The following GATAD2A variants were observed in gnomAD, a reference collection of about 807,000 sequenced individuals.
The protein encoded by GATAD2A is GATA zinc finger domain containing 2A.
Under a neutral mutation model 68.5 loss-of-function variants are expected in GATAD2A, and 12 were observed. The ratio of observed to expected loss-of-function variants is 0.18; its 90% confidence interval spans 0.11 to 0.28. GATAD2A has a LOEUF of 0.28. Among genes scored for constraint, GATAD2A ranks in the 10% least tolerant of loss-of-function variants. The pLI is 1.00. For missense variants in GATAD2A, 755 were observed against 868.5 expected (o/e 0.87, Z 1.64); for synonymous variants, 410 against 375.3 (o/e 1.09, Z -1.07).
chr19:19,413,630 G>A (rs578073804), intron 1 of GATAD2A, among the ~76,000 whole-genome samples: 1 of 152,240 alleles, frequency 6.6e-6, no homozygotes, highest in East Asian at 1.9e-4. Flanking sequence ...CGCTCAGGCT[G>A]GAGTGCAGTG....
chr19:19,494,257 G>A (rs1444849038), intron 4 of GATAD2A, 37 bp from the exon 5 acceptor site: 3 of 1,245,754 alleles, frequency 2.4e-6, no homozygotes, highest in Admixed American at 3.5e-5. Flanking sequence ...GACCGGCCCG[G>A]TGGCCCCTCA....
intron 8 of GATAD2A, among the ~76,000 whole-genome samples, chr19:19,500,759 G>A (rs532779278): frequency 2.0e-4 from 30 of 152,314 alleles, no homozygotes; most frequent in East Asian, 1.2e-3. Flanking sequence ...GGGGTTCCCC[G>A]TCCTAAGAAT....
chr19:19,432,961 C>G (rs2053915643), intron 1 of GATAD2A, among the ~76,000 whole-genome samples: 1 of 152,110 alleles, frequency 6.6e-6, no homozygotes, highest in Non-Finnish European at 1.5e-5. Context: ...TGGTTGGGCT[C>G]CAGATATATT....
chr19:19,501,262 C>T lies in GATAD2A; in HGVS notation c.1349C>T (p.Ala450Val), dbSNP rs140486052. 135 of 1,613,286 alleles carry T rather than the reference C, an allele frequency of 8.4e-5. No individual in the cohort carries two copies. The highest frequency in any genetic ancestry group is 3.3e-4 in the Middle Eastern group (2 of 6,084). Reference protein sequence around the residue: ...ENCMTTNQKKALKVEHTSRLK... With the variant: ...ENCMTTNQKKVLKVEHTSRLK... ...TGCATGACAACCAACCAGAAGAAGG[C>T]GCTCAAGGTGGAGCACACCAGCCGG... is the stretch of plus-strand genomic sequence containing the variant. Residue 450 changes from alanine (A) to valine (V), a missense_variant, in exon 9 of 12, where the codon GCG becomes GTG. Physicochemically the swap from Ala to Val is moderately conservative, Grantham distance 64. Coordinates refer to ENST00000683918, the MANE Select transcript of GATAD2A (RefSeq NM_001384528.1).
chr19:19,478,058 G>A (rs2058794662), intron 2 of GATAD2A, among the ~76,000 whole-genome samples: 1 of 152,214 alleles, frequency 6.6e-6, no homozygotes, highest in Non-Finnish European at 1.5e-5. Flanking sequence ...TCTTTGGGGT[G>A]AATCCTATTA....
intron 1 of GATAD2A, among the ~76,000 whole-genome samples, chr19:19,434,841 C>A (rs749257220): frequency 4.6e-5 from 7 of 152,198 alleles, no homozygotes; most frequent in Non-Finnish European, 1.0e-4. Flanking sequence ...GGACAGCATC[C>A]CATGGGGATG....
chr19:19,456,093 G>T (rs2056898087), intron 1 of GATAD2A, among the ~76,000 whole-genome samples: 1 of 150,118 alleles, frequency 6.7e-6, no homozygotes, highest in African/African-American at 2.5e-5. Flanking sequence ...GGCAGAGTTT[G>T]CAGTGAGCCG....
chr19:19,491,526 A>G (rs1600272388), intron 2 of GATAD2A, among the ~76,000 whole-genome samples: 1 of 152,146 alleles, frequency 6.6e-6, no homozygotes, highest in African/African-American at 2.4e-5. Flanking sequence ...AGGCAGAATG[A>G]CCTTGGCATC....
intron 2 of GATAD2A, among the ~76,000 whole-genome samples, chr19:19,487,831 T>C (rs541549965): frequency 6.6e-6 from 1 of 152,266 alleles, no homozygotes; most frequent in East Asian, 1.9e-4. Flanking sequence ...ACAAGTGAGC[T>C]GGCAGGGCTG....
chr19:19,476,818 G>T lies in GATAD2A; in HGVS notation c.269+11204G>T, dbSNP rs199906796. Among the ~76,000 whole-genome samples the T allele has an allele frequency of 3.3e-4, 50 of 152,324 alleles. No individual in the cohort carries two copies. The East Asian group carries it at 4.0e-3, about 12-fold the overall frequency. ...ACACCCAGGGGGGCAGTGTTTTCCC[G>T]GTTAGCAGAATATGCCCCTGGAAGA... On this transcript the variant is annotated intron_variant, in intron 2 of 11. Coordinates refer to ENST00000683918, the MANE Select transcript of GATAD2A (RefSeq NM_001384528.1).
chr19:19,499,328 C>T (rs1044410231), intron 8 of GATAD2A, among the ~76,000 whole-genome samples: 4 of 152,168 alleles, frequency 2.6e-5, no homozygotes, highest in South Asian at 2.1e-4. Flanking sequence ...AGACCAAGGA[C>T]GTTTCTGCCC....
At chr19:19,470,024 T>G (rs1464574991) in intron 2 of GATAD2A, among the ~76,000 whole-genome samples, 1 of 151,158 alleles carries the variant, frequency 6.6e-6, no homozygotes, top group Non-Finnish European at 1.5e-5. Context: ...CAAGGAATAA[T>G]ACAAAAGGAT....
At chr19:19,432,279 T>TTTTCG (rs1568279476) in intron 1 of GATAD2A, among the ~76,000 whole-genome samples, 1 of 151,366 alleles carries the variant, frequency 6.6e-6, no homozygotes, top group Non-Finnish European at 1.5e-5. Flanking sequence ...TTGACAGTGG[T>TTTTCG]TTTTGTTTTG....
intron 2 of GATAD2A, among the ~76,000 whole-genome samples, chr19:19,483,959 C>G (rs2059239130): frequency 6.6e-6 from 1 of 151,996 alleles, no homozygotes. Flanking sequence ...CAGCCTGTGT[C>G]TAGACAACAG....
rs376072512 is a variant in GATAD2A, at chr19:19,502,354, T to C, written c.1602T>C (p.Gly534=). The change falls in exon 11 of 12, where the codon GGT becomes GGC. Residue 534 remains glycine (G), a synonymous_variant. Coordinates refer to ENST00000683918, the MANE Select transcript of GATAD2A (RefSeq NM_001384528.1). ...VLQASSQLSR[G]SATTPRGVLH... ...AGGCCTCCAGCCAGCTGTCCCGGGG[T>C]TCGGCCACGACGCCCCGAGGTGTCC... The C allele has an allele frequency of 1.1e-5, 17 of 1,612,318 alleles. No homozygotes were observed. In the South Asian group the frequency reaches 1.4e-4, roughly 14 times the overall value.
chr19:19,491,347 G>C (rs532065719), intron 2 of GATAD2A, among the ~76,000 whole-genome samples: 2 of 152,316 alleles, frequency 1.3e-5, no homozygotes, highest in African/African-American at 4.8e-5. Context: ...GCCGTGGGCC[G>C]ACGGTGAAAA....
chr19:19,474,259 C>T (rs1424112665), intron 2 of GATAD2A: 3 of 637,258 alleles, frequency 4.7e-6, no homozygotes, highest in South Asian at 1.4e-4. Context: ...CCGACAACCA[C>T]GTGAGCATGG....
intron 1 of GATAD2A, among the ~76,000 whole-genome samples, chr19:19,433,549 A>T (rs1457839116): frequency 6.6e-6 from 1 of 152,214 alleles, no homozygotes; most frequent in Non-Finnish European, 1.5e-5. Context: ...CTTCTGACCC[A>T]TGAACAAGAC....
chr19:19,390,350 C>T (rs1016660423), intron 1 of GATAD2A, among the ~76,000 whole-genome samples: 2 of 151,986 alleles, frequency 1.3e-5, no homozygotes, highest in Non-Finnish European at 2.9e-5. Context: ...GCTCCTGGCA[C>T]ACAGTTGGTG....
Sources: allele counts gnomAD v4.1 joint callset (sites outside exome capture counted in the v4.1 genomes callset), GRCh38; gene constraint gnomAD v4.1.1; transcripts MANE v1.5; gene names NCBI Gene and HGNC (gene_info 2026-07-23, HGNC 2026-07-21).